CCSER1: variants seen among roughly 807,000 people sequenced by gnomAD.
CCSER1 encodes the protein coiled-coil serine rich protein 1.
A neutral mutation model predicts 82.0 loss-of-function variants in CCSER1; 41 were observed. That is an observed-to-expected ratio of 0.50 (90% confidence interval 0.39 to 0.65). The LOEUF is 0.65. Ranked by LOEUF, CCSER1 falls within the 30% of genes least tolerant of loss-of-function variation. The probability of loss-of-function intolerance (pLI) is 0.00; values close to 1 mark genes in which losing one functional copy is unlikely to be tolerated. For synonymous variants in CCSER1, 414 were observed against 383.9 expected (o/e 1.08, Z -0.92); for missense variants, 1,119 against 1,064.2 (o/e 1.05, Z -0.72).
chr4:91,335,062 A>G (rs2149280740), intron 10 of CCSER1, among the ~76,000 whole-genome samples: 1 of 152,090 alleles, frequency 6.6e-6, no homozygotes, highest in East Asian at 1.9e-4. Flanking sequence ...TATTCTTTGT[A>G]ATATTGCAGA....
intron 6 of CCSER1, among the ~76,000 whole-genome samples, chr4:90,698,214 A>C (rs1452636482): frequency 6.6e-6 from 1 of 152,194 alleles, no homozygotes; most frequent in African/African-American, 2.4e-5. Flanking sequence ...GATAAGAATT[A>C]AAAGAGAAGT....
At chr4:90,668,039 G>T (rs1732129633) in intron 6 of CCSER1, among the ~76,000 whole-genome samples, 1 of 152,076 alleles carries the variant, frequency 6.6e-6, no homozygotes, top group African/African-American at 2.4e-5. Flanking sequence ...AATAGTTGTT[G>T]GGAAAATAGG....
At chr4:90,611,704 T>A (rs145982676) in intron 5 of CCSER1, among the ~76,000 whole-genome samples, 1,956 of 148,846 alleles carry the variant, frequency 0.013, 24 homozygotes, top group Middle Eastern at 0.021. Flanking sequence ...TAAATACATA[T>A]ATGGATGAAC....
chr4:90,406,893 C>T (rs918130164), intron 4 of CCSER1, among the ~76,000 whole-genome samples: 2 of 152,224 alleles, frequency 1.3e-5, no homozygotes, highest in South Asian at 4.1e-4. Flanking sequence ...TAAATGCCTA[C>T]ATCAAAAATT....
intron 10 of CCSER1, among the ~76,000 whole-genome samples, chr4:91,476,247 A>C (rs914403696): frequency 1.3e-5 from 2 of 151,810 alleles, no homozygotes; most frequent in African/African-American, 4.8e-5. Flanking sequence ...GCTAATTTAC[A>C]TTCCCACCAA....
At position 90,308,933 on chromosome 4, in the gene CCSER1, C is replaced by T; in HGVS notation, c.649C>T (p.Gln217Ter). ...ATTCTCATTGGAAGTTACACAGTACCAAGAGAGAGAACCTGTATTAGTAAG... is the reference window on the plus strand; with the variant it reads ...ATTCTCATTGGAAGTTACACAGTACTAAGAGAGAGAACCTGTATTAGTAAG... ...SEFSLEVTQY[Q>*]EREPVLVRAS... The change falls in exon 2 of 11, where the codon CAA (glutamine) becomes TAA (stop). Residue 217 changes from glutamine (Q) to a stop codon, truncating the protein, a stop_gained. Coordinates refer to ENST00000509176, the MANE Select transcript of CCSER1 (RefSeq NM_001145065.2). LOFTEE classifies it high-confidence loss of function. The T allele has an allele frequency of 6.2e-7, 1 of 1,613,784 alleles. No individual in the cohort carries two copies. Among genetic ancestry groups the T allele is most frequent in the Non-Finnish European group, 8.5e-7 (1 of 1,179,812 alleles).
chr4:90,308,704 G>T lies in CCSER1; in HGVS notation c.420G>T (p.Glu140Asp), dbSNP rs1553996494. 1 of 1,613,482 alleles carries T rather than the reference G, an allele frequency of 6.2e-7. No individual in the cohort carries two copies. The highest frequency in any genetic ancestry group is 8.5e-7 in the Non-Finnish European group (1 of 1,179,700). Residue 140 changes from glutamate to aspartate, a missense_variant, in exon 2 of 11, where the codon GAG becomes GAT. Physicochemically the swap from Glu to Asp is conservative, Grantham distance 45. Transcript: ENST00000509176. ...CAGAGGATTTTGAAAGGGAAAAAGA[G>T]CACTCAACTAACAAGAATGTCTTTA... ...SLTEDFEREK[E>D]HSTNKNVFIN...
intron 10 of CCSER1, among the ~76,000 whole-genome samples, chr4:91,512,002 A>G (rs2110117533): frequency 6.6e-6 from 1 of 152,246 alleles, no homozygotes; most frequent in East Asian, 1.9e-4. Flanking sequence ...TACTTTTGGC[A>G]GTATTTTGTA....
At chr4:90,243,788 C>A (rs1219132990) in intron 1 of CCSER1, among the ~76,000 whole-genome samples, 4 of 151,808 alleles carry the variant, frequency 2.6e-5, no homozygotes, top group Non-Finnish European at 5.9e-5. Context: ...CATAAATAAG[C>A]AGGGTGAATA....
In CCSER1 at chr4:90,156,425, C is replaced by T. The variant is rs1053221922; in HGVS notation, c.-42+28594C>T. ...AGAGCTGAGTTCAATTCCTGTGTAT[C>T]GTTGTTAACTTTCTGTCTCGTTGAT... On this transcript the variant is annotated intron_variant, in intron 1 of 10. Coordinates refer to ENST00000509176, the MANE Select transcript of CCSER1 (RefSeq NM_001145065.2). 3.9e-5 allele frequency among the ~76,000 whole-genome samples: 6 copies of T among 152,070 alleles called. No individual in the cohort carries two copies. The East Asian group carries it at 7.7e-4, about 20-fold the overall frequency.
chr4:90,719,261 T>G (rs1198462991), intron 6 of CCSER1, among the ~76,000 whole-genome samples: 1 of 152,086 alleles, frequency 6.6e-6, no homozygotes, highest in African/African-American at 2.4e-5. Context: ...GTTTGAATGC[T>G]CCTTATGAGA....
intron 3 of CCSER1, chr4:90,370,394 A>G (rs954980783): frequency 2.0e-5 from 3 of 152,100 alleles, no homozygotes; most frequent in African/African-American, 7.2e-5. Context: ...ATTTCTAGAA[A>G]ATTAAGTATA....
intron 10 of CCSER1, among the ~76,000 whole-genome samples, chr4:91,387,012 G>A (rs970479044): frequency 5.9e-5 from 9 of 151,892 alleles, no homozygotes; most frequent in African/African-American, 2.2e-4. Flanking sequence ...TCCTGTATAG[G>A]AGGAAAAACA....
intron 8 of CCSER1, among the ~76,000 whole-genome samples, chr4:90,846,272 T>C (rs1358640730): frequency 6.6e-6 from 1 of 152,190 alleles, no homozygotes; most frequent in Non-Finnish European, 1.5e-5. Flanking sequence ...AATTACTCCA[T>C]CTTAAAGAAA....
chr4:90,206,262 C>T (rs1738810988), intron 1 of CCSER1, among the ~76,000 whole-genome samples: 1 of 152,012 alleles, frequency 6.6e-6, no homozygotes, highest in Admixed American at 6.6e-5. Context: ...TTTGCTCTTG[C>T]TTCTCTAGTT....
chr4:90,704,449 G>T (rs963606218), intron 6 of CCSER1, among the ~76,000 whole-genome samples: 1 of 152,074 alleles, frequency 6.6e-6, no homozygotes, highest in Non-Finnish European at 1.5e-5. Flanking sequence ...ACAATTATGT[G>T]GCTTGAAGTT....
At chr4:91,178,715 G>A (rs987143960) in intron 10 of CCSER1, among the ~76,000 whole-genome samples, 1 of 152,108 alleles carries the variant, frequency 6.6e-6, no homozygotes, top group Admixed American at 6.5e-5. Context: ...CATGTGAGAT[G>A]GGTCTCCTGT....
intron 8 of CCSER1, among the ~76,000 whole-genome samples, chr4:90,867,768 G>T (rs1765927840): frequency 6.6e-6 from 1 of 151,518 alleles, no homozygotes; most frequent in African/African-American, 2.4e-5. Context: ...TTAATTTTTG[G>T]CTCCCACAAA....
intron 8 of CCSER1, among the ~76,000 whole-genome samples, chr4:90,856,160 T>G (rs1039730642): frequency 1.3e-5 from 2 of 152,152 alleles, no homozygotes; most frequent in African/African-American, 4.8e-5. Context: ...TAATTATAAA[T>G]GACAGCTTCT....
Sources: allele counts gnomAD v4.1 joint callset (sites outside exome capture counted in the v4.1 genomes callset), GRCh38; gene constraint gnomAD v4.1.1; transcripts MANE v1.5; gene names NCBI Gene and HGNC (gene_info 2026-07-23, HGNC 2026-07-21).